The following SLC38A12 variants were observed in gnomAD, a reference collection of about 807,000 sequenced individuals.
The protein encoded by SLC38A12 is solute carrier family 38 member 12, also known as putative sodium-coupled neutral amino acid transporter 12.
the SLC38A12 span, chr17:74,795,254 C>T: frequency 1.4e-6 from 1 of 727,438 alleles, no homozygotes. Context: ...CTTTTCTGCA[C>T]AGACCACAGC....
At chr17:74,832,254 C>A in the SLC38A12 span, among the ~76,000 whole-genome samples, 1 of 152,086 alleles carries the variant, frequency 6.6e-6, no homozygotes, top group Non-Finnish European at 1.5e-5. Flanking sequence ...CCCAGGGAAA[C>A]GAGCTTCTAG....
chr17:74,808,265 G>C, the SLC38A12 span, among the ~76,000 whole-genome samples: 4 of 152,258 alleles, frequency 2.6e-5, no homozygotes, highest in Non-Finnish European at 5.9e-5. Context: ...CTTCCATCAG[G>C]ATGTAAGCAA....
the SLC38A12 span, among the ~76,000 whole-genome samples, chr17:74,834,170 G>T: frequency 6.6e-6 from 1 of 152,108 alleles, no homozygotes; most frequent in East Asian, 1.9e-4. Context: ...CAGGGTCCTG[G>T]GCTGTCCCAC....
At chr17:74,826,228 G>A in the SLC38A12 span, among the ~76,000 whole-genome samples, 1 of 152,164 alleles carries the variant, frequency 6.6e-6, no homozygotes, top group Non-Finnish European at 1.5e-5. Context: ...AAGGATGAAA[G>A]GCCAGAGCCC....
chr17:74,815,149 C>G, the SLC38A12 span, among the ~76,000 whole-genome samples: 1 of 152,124 alleles, frequency 6.6e-6, no homozygotes, highest in Non-Finnish European at 1.5e-5. Flanking sequence ...GTTTCCTCAT[C>G]AGTAAGATGA....
At chr17:74,837,301 C>T in the SLC38A12 span, 2 of 985,406 alleles carry the variant, frequency 2.0e-6, no homozygotes, top group Non-Finnish European at 2.4e-6. Flanking sequence ...TACCAGAGTC[C>T]CCAGATAGAG....
chr17:74,825,522 C>T, the SLC38A12 span, among the ~76,000 whole-genome samples: 110 of 152,354 alleles, frequency 7.2e-4, no homozygotes, highest in Admixed American at 1.4e-3. Flanking sequence ...CCTTCCTTAG[C>T]ATCAGTCAGG....
the SLC38A12 span, among the ~76,000 whole-genome samples, chr17:74,782,707 C>G: frequency 6.6e-6 from 1 of 152,326 alleles, no homozygotes; most frequent in East Asian, 1.9e-4. Context: ...CAAAATTATT[C>G]TAGCAGCACC....
chr17:74,786,337 T>A, the SLC38A12 span, among the ~76,000 whole-genome samples: 64,906 of 151,802 alleles, frequency 0.43, 15,573 homozygotes, highest in Non-Finnish European at 0.55. Context: ...AAAAAAGAGA[T>A]GGGAAGGAGC....
the SLC38A12 span, chr17:74,795,538 A>C: frequency 6.2e-7 from 1 of 1,613,988 alleles, no homozygotes; most frequent in Non-Finnish European, 8.5e-7. Context: ...GCCACTGGCA[A>C]TGACTCCTGC....
the SLC38A12 span, among the ~76,000 whole-genome samples, chr17:74,834,105 C>T: frequency 6.6e-6 from 1 of 152,134 alleles, no homozygotes; most frequent in South Asian, 2.1e-4. Flanking sequence ...ATAGGCACAG[C>T]TGTGCACACC....
the SLC38A12 span, chr17:74,790,069 T>G: frequency 1.5e-6 from 1 of 678,402 alleles, no homozygotes; most frequent in Non-Finnish European, 2.6e-6. Context: ...TCCTCCCATC[T>G]CAGCCTCCCA....
chr17:74,786,083 A>G, the SLC38A12 span, among the ~76,000 whole-genome samples: 10 of 152,210 alleles, frequency 6.6e-5, no homozygotes, highest in African/African-American at 2.4e-4. Context: ...TGGGTGCACG[A>G]TCAAGTGTGG....
the SLC38A12 span, among the ~76,000 whole-genome samples, chr17:74,819,573 C>T: frequency 6.6e-6 from 1 of 152,308 alleles, no homozygotes; most frequent in South Asian, 2.1e-4. Context: ...TTTTGTTCCA[C>T]CCCTGGCACT....
chr17:74,821,786 A>G, the SLC38A12 span, among the ~76,000 whole-genome samples: 1 of 152,186 alleles, frequency 6.6e-6, no homozygotes. Context: ...CTGCAGCCAC[A>G]TCTGTAGCCC....
At chr17:74,816,688 T>G in the SLC38A12 span, among the ~76,000 whole-genome samples, 8 of 149,506 alleles carry the variant, frequency 5.4e-5, no homozygotes, top group African/African-American at 1.0e-4. Flanking sequence ...TTTTTTTTTG[T>G]TTTTTTTTAG....
At chr17:74,793,780 C>G in the SLC38A12 span, among the ~76,000 whole-genome samples, 1 of 152,190 alleles carries the variant, frequency 6.6e-6, no homozygotes, top group Non-Finnish European at 1.5e-5. Context: ...GTCAGGCTAT[C>G]TCTGACATGT....
chr17:74,836,734 C>G, the SLC38A12 span: 1 of 1,533,656 alleles, frequency 6.5e-7, no homozygotes. The surrounding 1 kb of genome is among the most constrained non-coding windows in gnomAD (Gnocchi z 4.2). Context: ...GGGCCCCAGC[C>G]CCACCCCTCG....
the SLC38A12 span, among the ~76,000 whole-genome samples, chr17:74,834,358 C>T: frequency 9.2e-5 from 14 of 151,908 alleles, no homozygotes; most frequent in Non-Finnish European, 1.0e-4. Flanking sequence ...GGGACTGGAG[C>T]GGGCGGTGAG....
Sources: gnomAD v4.1 joint callset for allele counts (sites outside exome capture counted in the v4.1 genomes callset) on GRCh38, gnomAD v4.1.1 for gene constraint, Gnocchi (gnomAD v3.1) non-coding constraint, MANE v1.5 for transcripts, NCBI Gene and HGNC (gene_info 2026-07-23, HGNC 2026-07-21) for gene names.